Variants in ROBO2 observed in about 807,000 individuals in gnomAD.
ROBO2 encodes the protein roundabout homolog 2.
In ROBO2, 53 loss-of-function variants were observed where a neutral mutation model predicts 160.8. The ratio of observed to expected loss-of-function variants is 0.33; its 90% CI spans 0.26 to 0.41. The LOEUF is 0.41. Among genes scored for constraint, ROBO2 ranks in the 10% least tolerant of loss-of-function variants. The pLI is 1.00. For missense variants in ROBO2, 1,577 were observed against 1,722.4 expected, an observed-to-expected ratio of 0.92 and a Z score of 1.49; for synonymous variants, 664 against 611.7, an observed-to-expected ratio of 1.09 and a Z score of -1.26.
intron 2 of ROBO2, among the ~76,000 whole-genome samples, chr3:77,333,756 G>A (rs949053265): frequency 6.6e-6 from 1 of 152,124 alleles, no homozygotes; most frequent in Non-Finnish European, 1.5e-5. Flanking sequence ...ATTCAATAAT[G>A]AAGATCATCA....
intron 2 of ROBO2, among the ~76,000 whole-genome samples, chr3:76,793,975 T>G (rs1380082318): frequency 6.6e-6 from 1 of 151,974 alleles, no homozygotes; most frequent in Non-Finnish European, 1.5e-5. Context: ...GTTGCCTTCT[T>G]GAAAGTCTTT....
intron 2 of ROBO2, among the ~76,000 whole-genome samples, chr3:76,431,978 G>A (rs1372461025): frequency 2.6e-5 from 4 of 152,286 alleles, no homozygotes; most frequent in Admixed American, 2.6e-4. Context: ...AGGCACAGGT[G>A]TTAGAGGCTG....
At chr3:76,559,575 T>C (rs1208909504) in intron 2 of ROBO2, among the ~76,000 whole-genome samples, 1 of 152,100 alleles carries the variant, frequency 6.6e-6, no homozygotes, top group Non-Finnish European at 1.5e-5. Context: ...CTTCTTACTA[T>C]ACTCTTCCCA....
intron 2 of ROBO2, among the ~76,000 whole-genome samples, chr3:75,945,747 T>C (rs1948265170): frequency 6.6e-6 from 1 of 152,166 alleles, no homozygotes; most frequent in African/African-American, 2.4e-5. Context: ...CAATTTAGCA[T>C]AATGCATAAC....
chr3:76,763,878 G>A (rs549225801), intron 2 of ROBO2, among the ~76,000 whole-genome samples: 5 of 151,708 alleles, frequency 3.3e-5, no homozygotes, highest in Non-Finnish European at 7.4e-5. Flanking sequence ...GATCAGAGCC[G>A]CATTTGCTCT....
At chr3:76,925,189 C>T (rs916398538) in intron 2 of ROBO2, among the ~76,000 whole-genome samples, 6 of 129,976 alleles carry the variant, frequency 4.6e-5, no homozygotes, top group Non-Finnish European at 7.8e-5. Context: ...CCAGCCTGGG[C>T]GACAGAGCGA....
Position 76,735,786 on chromosome 3 carries a change from A to AGTGGG in ROBO2, c.110-362227_110-362226insTGGGG, listed in dbSNP as rs1553886640. Among the ~76,000 whole-genome samples, 8 of 126,600 alleles carry AGTGGG rather than the reference A, an allele frequency of 6.3e-5. 1 individual carries two copies. The highest frequency in any genetic ancestry group is 1.5e-4 in the African/African-American group (5 of 33,992). 83.1% of individuals were successfully genotyped at this position (126,600 alleles called of 152,430 possible). A position where few individuals can be genotyped will look rare whatever the true frequency, so the allele number is the denominator to read the frequency against. ...AAAAAAAAAAAAAAAGAAAAAAAAA[A>AGTGGG]GGGGAAAGGGAAAAGAAAAAAGAAA... On this transcript the variant is annotated intron_variant, in intron 2 of 26. Coordinates refer to the ROBO2 transcript ENST00000487694.
At chr3:76,861,318 A>G (rs986757700) in intron 2 of ROBO2, among the ~76,000 whole-genome samples, 4 of 152,178 alleles carry the variant, frequency 2.6e-5, no homozygotes, top group African/African-American at 9.7e-5. Context: ...TACTAAGTCT[A>G]AGGTATTATC....
At chr3:77,168,526 C>A (rs987941587) in intron 2 of ROBO2, among the ~76,000 whole-genome samples, 6 of 152,116 alleles carry the variant, frequency 3.9e-5, no homozygotes, top group Non-Finnish European at 7.4e-5. Context: ...GAAAATGGAG[C>A]TAGCTACATT....
In ROBO2 at chr3:77,563,340, A is replaced by G. The variant is rs368944566; in HGVS notation, c.1682+11A>G. Reference sequence around the variant, plus strand: ...CATTGAGGCTTTCAGGTATGGGACAATTCCTTCTTTCTCCACTGGGTTTTG... The same window carrying G: ...CATTGAGGCTTTCAGGTATGGGACAGTTCCTTCTTTCTCCACTGGGTTTTG... On this transcript the variant is annotated intron_variant, in intron 11 of 25. Transcript: ENST00000461745. 1.5e-4 allele frequency: 234 copies of G among 1,611,608 alleles called. No individual in the cohort carries two copies. The highest frequency in any genetic ancestry group is 1.9e-4 in the Non-Finnish European group (222 of 1,178,142).
At chr3:76,274,456 T>A (rs1007716115) in intron 2 of ROBO2, among the ~76,000 whole-genome samples, 9 of 152,180 alleles carry the variant, frequency 5.9e-5, no homozygotes, top group African/African-American at 2.2e-4. Context: ...CTGTGTAGTT[T>A]ATAAACTATT....
chr3:77,246,319 G>C (rs6764366), intron 2 of ROBO2, among the ~76,000 whole-genome samples: 48,774 of 140,506 alleles, frequency 0.35, 8,308 homozygotes, highest in Non-Finnish European at 0.39. Context: ...TACTGAGAGT[G>C]TATGTGTATG....
chr3:76,483,394 G>C (rs2079315225), intron 2 of ROBO2, among the ~76,000 whole-genome samples: 1 of 151,340 alleles, frequency 6.6e-6, no homozygotes, highest in Admixed American at 6.6e-5. Context: ...GTGATGCTGA[G>C]GTTTGGGGTG....
chr3:76,325,805 C>T (rs1055139192), intron 2 of ROBO2, among the ~76,000 whole-genome samples: 1 of 151,740 alleles, frequency 6.6e-6, no homozygotes, highest in African/African-American at 2.4e-5. Flanking sequence ...CGTGGAAAGG[C>T]ATTGGGAATA....
intron 2 of ROBO2, among the ~76,000 whole-genome samples, chr3:77,303,106 C>T (rs2062799462): frequency 6.6e-6 from 1 of 152,256 alleles, no homozygotes; most frequent in South Asian, 2.1e-4. Context: ...AAAGATAGAA[C>T]TTGCTAATTC....
intron 2 of ROBO2, among the ~76,000 whole-genome samples, chr3:76,213,565 C>T (rs1703290522): frequency 6.6e-6 from 1 of 152,036 alleles, no homozygotes; most frequent in African/African-American, 2.4e-5. Context: ...AGTGTTAATT[C>T]ACCTTTATAC....
intron 2 of ROBO2, among the ~76,000 whole-genome samples, chr3:76,399,668 A>G (rs560086869): frequency 6.6e-6 from 1 of 151,792 alleles, no homozygotes; most frequent in Non-Finnish European, 1.5e-5. Context: ...TTATGGTAAT[A>G]ACATTAAGCA....
chr3:77,614,226 A>T (rs531674860), intron 21 of ROBO2, among the ~76,000 whole-genome samples: 2 of 152,314 alleles, frequency 1.3e-5, no homozygotes, highest in South Asian at 4.2e-4. Flanking sequence ...AAAAACTGAA[A>T]GCAGAAAATC....
chr3:76,863,410 C>G (rs1193071820), intron 2 of ROBO2, among the ~76,000 whole-genome samples: 1 of 149,114 alleles, frequency 6.7e-6, no homozygotes, highest in Non-Finnish European at 1.5e-5. Flanking sequence ...TCCATTCCAG[C>G]CTGGGTGACA....
Sources: gnomAD v4.1 joint callset for allele counts (sites outside exome capture counted in the v4.1 genomes callset) on GRCh38, gnomAD v4.1.1 for gene constraint, MANE v1.5 for transcripts, NCBI Gene and HGNC (gene_info 2026-07-23, HGNC 2026-07-21) for gene names.